Variants in SREK1 observed in about 807,000 individuals in gnomAD.
The protein encoded by SREK1 is splicing regulatory glutamic acid and lysine rich protein 1, also known as splicing regulatory glutamine/lysine-rich protein 1.
A neutral mutation model predicts 66.5 loss-of-function variants in SREK1; 13 were observed. The ratio of observed to expected loss-of-function variants is 0.20; its 90% CI spans 0.13 to 0.31. The LOEUF (loss-of-function observed/expected upper bound fraction) is 0.31, where lower values mean the gene tolerates loss of function less well. Ranked by LOEUF, SREK1 falls within the 10% of genes least tolerant of loss-of-function variation. The pLI, the probability that SREK1 is intolerant of heterozygous loss-of-function variation, is 1.00. For synonymous variants in SREK1, 265 were observed against 263.5 expected (o/e 1.01, Z -0.05); for missense variants, 607 against 769.6 (o/e 0.79, Z 2.50).
At chr5:66,155,219 A>T (rs141541816) in intron 2 of SREK1, among the ~76,000 whole-genome samples, 50 of 152,252 alleles carry the variant, frequency 3.3e-4, no homozygotes, top group African/African-American at 1.2e-3. Flanking sequence ...GCACAGTCAG[A>T]TGTACCTTTT....
intron 1 of SREK1, among the ~76,000 whole-genome samples, chr5:66,151,834 CTTTTTTTTTTTT>C (rs60920757): frequency 9.1e-4 from 77 of 84,788 alleles, no homozygotes; most frequent in African/African-American, 2.2e-3. Flanking sequence ...GAGGTACATC[CTTTTTTTTTTTT>C]TTTTTTTTTT....
chr5:66,151,611 T>C (rs1261103109), intron 1 of SREK1, among the ~76,000 whole-genome samples: 1 of 152,122 alleles, frequency 6.6e-6, no homozygotes. Flanking sequence ...CAGGCACTTG[T>C]ACCTGGGAGT....
intron 11 of SREK1, among the ~76,000 whole-genome samples, chr5:66,178,400 T>C (rs913359619): frequency 5.9e-5 from 9 of 152,034 alleles, no homozygotes; most frequent in Non-Finnish European, 1.0e-4. Context: ...TAAAAATCTA[T>C]CCTGGCATCC....
intron 1 of SREK1, among the ~76,000 whole-genome samples, chr5:66,151,841 T>TC (rs1743849231): frequency 8.5e-6 from 1 of 117,154 alleles, no homozygotes; most frequent in South Asian, 2.7e-4. Flanking sequence ...ATCCTTTTTT[T>TC]TTTTTTTTTT....
rs6875721 is a variant in SREK1, at chr5:66,159,882, G to A, written c.411+548G>A. ...GCGGTGGCTCATGCCTGTAATCCCA[G>A]CACTTTGGGAGGCCGAGGCAGGTGG... is the stretch of plus-strand genomic sequence containing the variant. On this transcript the variant is annotated intron_variant, in intron 3 of 11. Transcript: ENST00000334121. 4.2e-3 allele frequency among the ~76,000 whole-genome samples: 645 copies of A among 152,328 alleles called. 5 individuals are homozygous for A. Among genetic ancestry groups the A allele is most frequent in the African/African-American group, 0.014 (593 of 41,578 alleles).
In SREK1 at chr5:66,164,405, A is replaced by G. The variant is rs919243973; in HGVS notation, c.887-378A>G. On this transcript the variant is annotated intron_variant, in intron 6 of 11. Coordinates refer to ENST00000334121, the MANE Select transcript of SREK1 (RefSeq NM_001077199.3). ...AAAATAATTAAAAAACCCATTCTAA[A>G]AACATCTAGGTGGTTTACATTTGAG... The G allele has an allele frequency of 6.7e-5, 25 of 372,970 alleles. No homozygotes were observed. In the Admixed American group the frequency reaches 8.0e-4, roughly 12 times the overall value. The allele number at this position is 372,970 out of a possible 1,614,324, so 23.1% of individuals were successfully genotyped here. A position where few individuals can be genotyped will look rare whatever the true frequency, so the allele number is the denominator to read the frequency against.
intron 6 of SREK1, 76 bp from the exon 7 acceptor site, chr5:66,164,707 T>G: frequency 3.1e-6 from 5 of 1,611,206 alleles, no homozygotes; most frequent in Non-Finnish European, 4.2e-6. Flanking sequence ...TGTGGTACAT[T>G]CCACTTGTGC....
chr5:66,156,707 A>G, intron 2 of SREK1: 1 of 985,228 alleles, frequency 1.0e-6, no homozygotes, highest in Non-Finnish European at 1.2e-6. Context: ...GGGAGTAAAG[A>G]AGAGCCTTTC....
chr5:66,157,073 G>A (rs1385657630), intron 2 of SREK1: 3 of 973,600 alleles, frequency 3.1e-6, no homozygotes, highest in Non-Finnish European at 3.7e-6. Context: ...AAGTACTTTT[G>A]CCATTACCTT....
intron 1 of SREK1, among the ~76,000 whole-genome samples, chr5:66,148,524 T>C (rs1391403985): frequency 6.6e-6 from 1 of 152,218 alleles, no homozygotes; most frequent in East Asian, 1.9e-4. Context: ...AGATTTTGTA[T>C]TTTAAAAAAC....
chr5:66,144,567 G>GCGCGGGCGCCATAGAGAC (rs1280641561), intron 1 of SREK1, 30 bp downstream of exon 1: 2 of 1,537,056 alleles, frequency 1.3e-6, no homozygotes, highest in South Asian at 2.4e-5. Flanking sequence ...TGGGGGAGGG[G>GCGCGGGCGCCATAGAGAC]CGCGGGCGCC....
intron 2 of SREK1, chr5:66,156,334 T>C (rs1744283063): frequency 7.8e-7 from 1 of 1,288,916 alleles, no homozygotes; most frequent in African/African-American, 1.6e-5. Flanking sequence ...TTCCCAGTTC[T>C]TTGTAAATGG....
At chr5:66,159,161 A>G in intron 2 of SREK1, 58 bp from the exon 3 acceptor site, 1 of 1,556,668 alleles carries the variant, frequency 6.4e-7, no homozygotes, top group Non-Finnish European at 8.7e-7. Context: ...GTAAAATCAT[A>G]GTGTAAAGTT....
At position 66,183,233 on chromosome 5, in the gene SREK1, C is replaced by T. The variant is rs1234130777; in HGVS notation, c.*4365C>T. The T allele has an allele frequency of 6.6e-6, 1 of 152,074 alleles. No individual in the cohort carries two copies. Among genetic ancestry groups the T allele is most frequent in the Non-Finnish European group, 1.5e-5 (1 of 68,006 alleles). 9.4% of individuals were successfully genotyped at this position (152,074 alleles called of 1,614,324 possible). ...TTTGCTAGACATAATTTCTTAACTA[C>T]ATATGTAAGTATAAATTCATAAAAA... is the stretch of plus-strand genomic sequence containing the variant. On this transcript the variant is annotated 3_prime_UTR_variant, in exon 12 of 12. Transcript: ENST00000334121.
At chr5:66,174,132 A>ATCGTTGGGT (rs1745870869) in intron 9 of SREK1, among the ~76,000 whole-genome samples, 1 of 151,894 alleles carries the variant, frequency 6.6e-6, no homozygotes. Flanking sequence ...TGTGAGATAG[A>ATCGTTGGGT]TCATTGGGTA....
At chr5:66,145,978 G>A (rs1389571468) in intron 1 of SREK1, among the ~76,000 whole-genome samples, 1 of 151,322 alleles carries the variant, frequency 6.6e-6, no homozygotes, top group South Asian at 2.1e-4. Context: ...TATAGATGAG[G>A]TATATAGAGA....
At chr5:66,163,968 G>C in intron 6 of SREK1, 46 bp downstream of exon 6, 1 of 1,586,644 alleles carries the variant, frequency 6.3e-7, no homozygotes, top group Non-Finnish European at 8.6e-7. Flanking sequence ...AAAGATCATA[G>C]ACTCTTAGAA....
At chr5:66,169,948 A>C (rs1050509261) in intron 7 of SREK1, 103 bp from the exon 8 acceptor site, 1 of 949,890 alleles carries the variant, frequency 1.1e-6, no homozygotes, top group Non-Finnish European at 1.4e-6. Flanking sequence ...ATTTAAGAGA[A>C]ATTTTTAAAA....
At position 66,181,127 on chromosome 5, in the gene SREK1, A is replaced by G. The variant is rs899297504; in HGVS notation, c.*2259A>G. On this transcript the variant is annotated 3_prime_UTR_variant, in exon 12 of 12. Coordinates refer to ENST00000334121, the MANE Select transcript of SREK1 (RefSeq NM_001077199.3). ...TCTGCTGATATTTATTAAGCTTTAAAATAATCGTACTATAATCTTGAAACA... is the reference window on the plus strand; with the variant it reads ...TCTGCTGATATTTATTAAGCTTTAAGATAATCGTACTATAATCTTGAAACA... The G allele has an allele frequency of 6.6e-6, 1 of 152,222 alleles. No individual in the cohort carries two copies. The highest frequency in any genetic ancestry group is 1.5e-5 in the Non-Finnish European group (1 of 68,032). The allele number at this position is 152,222 out of a possible 1,614,324, so 9.4% of individuals were successfully genotyped here. A position where few individuals can be genotyped will look rare whatever the true frequency, so the allele number is the denominator to read the frequency against.
Sources: gnomAD v4.1 joint callset for allele counts (sites outside exome capture counted in the v4.1 genomes callset) on GRCh38, gnomAD v4.1.1 for gene constraint, MANE v1.5 for transcripts, NCBI Gene and HGNC (gene_info 2026-07-23, HGNC 2026-07-21) for gene names.